TANC1: variants seen among roughly 807,000 people sequenced by gnomAD.
TANC1 encodes the protein tetratricopeptide repeat, ankyrin repeat and coiled-coil containing 1, also known as protein TANC1.
Under a neutral mutation model 149.7 loss-of-function variants are expected in TANC1, and 77 were observed. The ratio of observed to expected loss-of-function variants is 0.51; its 90% confidence interval spans 0.43 to 0.62. The LOEUF (loss-of-function observed/expected upper bound fraction) is 0.62, where lower values mean the gene tolerates loss of function less well. Ranked by LOEUF, TANC1 falls within the 20% of genes least tolerant of loss-of-function variation. TANC1 has a pLI of 0.00. For synonymous variants in TANC1, 854 were observed against 925.0 expected (o/e 0.92, Z 1.39); for missense variants, 1,985 against 2,321.8 (o/e 0.85, Z 2.98).
At chr2:158,972,296 TA>T (rs1449637539) in intron 1 of TANC1, among the ~76,000 whole-genome samples, 1 of 152,260 alleles carries the variant, frequency 6.6e-6, no homozygotes, top group Non-Finnish European at 1.5e-5. Context: ...TTGATCTTGG[TA>T]TCTCTCAGCC....
intron 2 of TANC1, among the ~76,000 whole-genome samples, chr2:159,058,242 C>G (rs930489869): frequency 6.6e-6 from 1 of 152,184 alleles, no homozygotes; most frequent in Admixed American, 6.6e-5. Flanking sequence ...CAAATAAAAC[C>G]TACCTGCAGC....
intron 16 of TANC1, among the ~76,000 whole-genome samples, chr2:159,193,811 G>A (rs748334384): frequency 1.3e-4 from 20 of 152,102 alleles, no homozygotes; most frequent in African/African-American, 3.4e-4. Flanking sequence ...GTGAGCCACC[G>A]CACCTGGCCT....
At chr2:159,084,343 A>T (rs897068033) in intron 3 of TANC1, among the ~76,000 whole-genome samples, 3 of 152,008 alleles carry the variant, frequency 2.0e-5, no homozygotes, top group Non-Finnish European at 4.4e-5. Context: ...ATATAGCCAC[A>T]TGTACACGGC....
chr2:159,162,039 G>A (rs1379194536), intron 7 of TANC1, among the ~76,000 whole-genome samples: 1 of 152,252 alleles, frequency 6.6e-6, no homozygotes, highest in African/African-American at 2.4e-5. Context: ...ATAAGTCCAG[G>A]CTGCAGCAGC....
intron 12 of TANC1, 72 bp downstream of exon 12, chr2:159,175,256 A>C (rs1330294190): frequency 7.6e-7 from 1 of 1,313,252 alleles, no homozygotes; most frequent in Non-Finnish European, 1.1e-6. Context: ...CCCAGAAGGC[A>C]GGTGGTCAGC....
chr2:158,972,812 C>G (rs1448997327), intron 1 of TANC1, among the ~76,000 whole-genome samples: 2 of 152,142 alleles, frequency 1.3e-5, no homozygotes, highest in Non-Finnish European at 2.9e-5. Flanking sequence ...TTATGAAGTG[C>G]TATTAGCTAG....
intron 16 of TANC1, 89 bp downstream of exon 16, chr2:159,187,113 G>C: frequency 2.0e-6 from 3 of 1,509,174 alleles, no homozygotes; most frequent in Non-Finnish European, 2.7e-6. Flanking sequence ...CTCTGCCCTG[G>C]GTGGTGGTGA....
intron 14 of TANC1, among the ~76,000 whole-genome samples, chr2:159,181,196 C>G (rs2056430640): frequency 6.6e-6 from 1 of 152,096 alleles, no homozygotes; most frequent in African/African-American, 2.4e-5. Flanking sequence ...CCTTACTAAG[C>G]TGTTAGAAGT....
intron 14 of TANC1, among the ~76,000 whole-genome samples, chr2:159,183,653 G>T (rs1323116272): frequency 6.6e-6 from 1 of 152,132 alleles, no homozygotes; most frequent in Non-Finnish European, 1.5e-5. Flanking sequence ...TCTTGGGATG[G>T]GAGGTGGAAG....
intron 2 of TANC1, among the ~76,000 whole-genome samples, chr2:159,051,458 T>A (rs1308565876): frequency 6.6e-6 from 1 of 152,214 alleles, no homozygotes; most frequent in Non-Finnish European, 1.5e-5. Context: ...GCAGAGTTAC[T>A]AAGAGCTTTA....
At chr2:158,997,884 C>G (rs1203716063) in intron 1 of TANC1, among the ~76,000 whole-genome samples, 1 of 152,188 alleles carries the variant, frequency 6.6e-6, no homozygotes, top group African/African-American at 2.4e-5. Flanking sequence ...AATTTAGTGA[C>G]TCACTTCTAA....
At chr2:159,066,009 C>T (rs558090348) in intron 3 of TANC1, 38 bp downstream of exon 3, 40 of 1,533,612 alleles carry the variant, frequency 2.6e-5, no homozygotes, top group Non-Finnish European at 3.3e-5. Context: ...CCATGGACAG[C>T]GGGCAGCAAG....
intron 2 of TANC1, among the ~76,000 whole-genome samples, chr2:159,002,193 C>T (rs955655529): frequency 6.6e-6 from 1 of 152,146 alleles, no homozygotes; most frequent in African/African-American, 2.4e-5. Context: ...GAGGGGCTGG[C>T]GGTATGGACA....
Position 159,196,649 on chromosome 2 carries a change from C to G in TANC1, c.3021C>G (p.His1007Gln), listed in dbSNP as rs2057875466. Residue 1007 changes from histidine (H) to glutamine (Q), a missense_variant, in exon 18 of 27, where the codon CAC (histidine) becomes CAG (glutamine). By Grantham distance (24) the His-to-Gln change is conservative. This residue lies in a region of TANC1 where 508 missense variants were observed against 714.2 expected (regional missense o/e 0.71). Coordinates refer to ENST00000263635, the MANE Select transcript of TANC1 (RefSeq NM_033394.3). Reference protein sequence around the residue: ...LDKKGQCALVHSALRGHGDIL... With the variant: ...LDKKGQCALVQSALRGHGDIL... ...AGAAGGGCCAGTGTGCGCTTGTCCA[C>G]AGTGCCCTACGGGGCCACGGTGACA... 6.2e-7 allele frequency: 1 copy of G among 1,612,938 alleles called. No individual in the cohort carries two copies. The highest frequency in any genetic ancestry group is 8.5e-7 in the Non-Finnish European group (1 of 1,179,290).
intron 4 of TANC1, among the ~76,000 whole-genome samples, chr2:159,127,473 AG>A (rs1002569679): frequency 5.9e-5 from 9 of 152,258 alleles, no homozygotes; most frequent in African/African-American, 2.2e-4. Context: ...TATACCCAAA[AG>A]AACACAAATC....
intron 3 of TANC1, among the ~76,000 whole-genome samples, chr2:159,078,538 G>T (rs1002341891): frequency 6.6e-6 from 1 of 152,168 alleles, no homozygotes; most frequent in Non-Finnish European, 1.5e-5. Flanking sequence ...TTTCATGGAG[G>T]TCAGCTCTCT....
intron 3 of TANC1, among the ~76,000 whole-genome samples, chr2:159,069,778 T>C (rs965685590): frequency 8.0e-5 from 12 of 150,500 alleles, no homozygotes; most frequent in Non-Finnish European, 1.3e-4. Context: ...TTTTTTTTTT[T>C]TTTTTTTTGA....
chr2:159,066,243 C>G (rs2042650712), intron 3 of TANC1, among the ~76,000 whole-genome samples: 1 of 151,924 alleles, frequency 6.6e-6, no homozygotes. Flanking sequence ...ACACTTTCCT[C>G]TACAAAAAAA....
At chr2:159,180,576 C>A in intron 14 of TANC1, among the ~76,000 whole-genome samples, 1 of 152,136 alleles carries the variant, frequency 6.6e-6, no homozygotes, top group Non-Finnish European at 1.5e-5. Context: ...TGGGGACATC[C>A]CCTGGGGCAG....
Sources: gnomAD v4.1 joint callset for allele counts (sites outside exome capture counted in the v4.1 genomes callset) on GRCh38, gnomAD v4.1.1 for gene constraint, gnomAD v4.1.1 regional missense constraint, MANE v1.5 for transcripts, NCBI Gene and HGNC (gene_info 2026-07-23, HGNC 2026-07-21) for gene names.